The following AKAP7 variants were observed in gnomAD, a reference collection of about 807,000 sequenced individuals.
The protein encoded by AKAP7 is A kinase (PRKA) anchor protein 7.
A neutral mutation model predicts 39.5 loss-of-function variants in AKAP7; 39 were observed. The ratio of observed to expected loss-of-function variants is 0.99; its 90% CI spans 0.76 to 1.29. The LOEUF is 1.29. Among genes scored for constraint, AKAP7 ranks in the 50% most tolerant of loss-of-function variants. The pLI, the probability that AKAP7 is intolerant of heterozygous loss-of-function variation, is 0.00. For missense variants in AKAP7, 414 were observed against 407.7 expected (o/e 1.02, Z -0.13); for synonymous variants, 140 against 139.1 (o/e 1.01, Z -0.05).
At chr6:131,263,733 C>T (rs905836082) in intron 7 of AKAP7, among the ~76,000 whole-genome samples, 1 of 152,072 alleles carries the variant, frequency 6.6e-6, no homozygotes, top group African/African-American at 2.4e-5. Context: ...GGGACAGGTG[C>T]AGTGGATACT....
intron 6 of AKAP7, among the ~76,000 whole-genome samples, chr6:131,201,945 G>A (rs1332162419): frequency 1.3e-5 from 2 of 152,150 alleles, no homozygotes; most frequent in South Asian, 2.1e-4. Flanking sequence ...CAAAAAGTGG[G>A]TGAAGGACAT....
In AKAP7 at chr6:131,228,707, C is replaced by A. The variant is rs115362129; in HGVS notation, c.850+8899C>A. Reference sequence around the variant, plus strand: ...GTTCTTAGAATTTGGCCCATGGATCCCTGGTGGTCCTTTAGATACTTTTAG... The same window carrying A: ...GTTCTTAGAATTTGGCCCATGGATCACTGGTGGTCCTTTAGATACTTTTAG... On this transcript the variant is annotated intron_variant, in intron 7 of 7. Coordinates refer to ENST00000431975, the MANE Select transcript of AKAP7 (RefSeq NM_016377.4). 7.3e-3 allele frequency among the ~76,000 whole-genome samples: 1,111 copies of A among 152,006 alleles called. 10 individuals carry two copies. Among genetic ancestry groups the A allele is most frequent in the African/African-American group, 0.026 (1,070 of 41,446 alleles).
chr6:131,258,707 G>A (rs1326634732), intron 7 of AKAP7, among the ~76,000 whole-genome samples: 1 of 152,164 alleles, frequency 6.6e-6, no homozygotes, highest in Admixed American at 6.5e-5. Context: ...AATAAGTATA[G>A]CTTTAACTTA....
At position 131,219,652 on chromosome 6, in the gene AKAP7, C is replaced by T. The variant is rs1809529281; in HGVS notation, c.703-9C>T. On this transcript the variant is annotated splice_polypyrimidine_tract_variant and intron_variant, in intron 6 of 7. Transcript: ENST00000431975. ...TGATTGATTGATTGATTTGTTTTTT[C>T]ATTTCAAGGGAGTGAAAAAAATAGA... 9.5e-6 allele frequency: 15 copies of T among 1,583,434 alleles called. No individual in the cohort carries two copies. The highest frequency in any genetic ancestry group is 1.3e-5 in the Non-Finnish European group (15 of 1,166,618).
At chr6:131,226,763 T>TTTTG (rs756814922) in intron 7 of AKAP7, among the ~76,000 whole-genome samples, 44 of 152,316 alleles carry the variant, frequency 2.9e-4, no homozygotes, top group African/African-American at 7.7e-4. Context: ...TCTAGACGTT[T>TTTTG]TTTGTTTGTT....
At chr6:131,233,186 T>C (rs1810771321) in intron 7 of AKAP7, among the ~76,000 whole-genome samples, 1 of 152,172 alleles carries the variant, frequency 6.6e-6, no homozygotes, top group South Asian at 2.1e-4. Flanking sequence ...GACAGACTTA[T>C]AAAACTCACT....
chr6:131,171,992 G>A (rs1339413714), intron 5 of AKAP7, among the ~76,000 whole-genome samples: 1 of 152,192 alleles, frequency 6.6e-6, no homozygotes, highest in Non-Finnish European at 1.5e-5. Flanking sequence ...GGTGTGATCA[G>A]AGAGCAGTAT....
chr6:131,158,555 T>C (rs1248115791), intron 2 of AKAP7, among the ~76,000 whole-genome samples: 2 of 152,226 alleles, frequency 1.3e-5, no homozygotes, highest in African/African-American at 4.8e-5. Flanking sequence ...TTGTCCAGGC[T>C]GGAGTGCAGT....
chr6:131,250,525 C>T (rs1157203100), intron 7 of AKAP7: 1 of 1,613,522 alleles, frequency 6.2e-7, no homozygotes, highest in South Asian at 1.1e-5. Flanking sequence ...ATTTGGGGTC[C>T]TCACGGAGAA....
Position 131,207,517 on chromosome 6 carries a change from T to A in AKAP7, c.702+7944T>A, listed in dbSNP as rs375651119. On this transcript the variant is annotated intron_variant, in intron 6 of 7. Transcript: ENST00000431975. ...TTTTTTTTTTTTTTTTTTTTTTTTTTAGATATGGGGTGTTGCTATGTTGCC... is the reference window on the plus strand; with the variant it reads ...TTTTTTTTTTTTTTTTTTTTTTTTTAAGATATGGGGTGTTGCTATGTTGCC... Among the ~76,000 whole-genome samples the A allele has an allele frequency of 2.8e-3, 402 of 141,630 alleles. 5 individuals are homozygous for A. Among genetic ancestry groups the A allele is most frequent in the African/African-American group, 0.01 (372 of 36,708 alleles). 92.9% of individuals were successfully genotyped at this position (141,630 alleles called of 152,430 possible).
intron 7 of AKAP7, among the ~76,000 whole-genome samples, chr6:131,222,369 C>CA (rs944451945): frequency 3.3e-5 from 5 of 151,848 alleles, no homozygotes; most frequent in African/African-American, 1.2e-4. Context: ...ACTAAAAATG[C>CA]AAAAAATACT....
At chr6:131,153,293 T>A (rs965635658) in intron 2 of AKAP7, among the ~76,000 whole-genome samples, 10 of 152,210 alleles carry the variant, frequency 6.6e-5, no homozygotes, top group African/African-American at 2.4e-4. Context: ...TCATTAGGTA[T>A]TTTAAAACTA....
chr6:131,143,080 G>C (rs1801179758), intron 1 of AKAP7, among the ~76,000 whole-genome samples: 3 of 152,132 alleles, frequency 2.0e-5, no homozygotes, highest in Admixed American at 6.5e-5. Context: ...GATTTTACAG[G>C]CTCATAGGTG....
intron 5 of AKAP7, among the ~76,000 whole-genome samples, chr6:131,181,854 G>C (rs113167334): frequency 9.1e-4 from 139 of 152,110 alleles, no homozygotes; most frequent in African/African-American, 3.2e-3. Context: ...ATTAGTTTTG[G>C]CTGGACATGC....
chr6:131,131,467 C>CTTT (rs3031855), upstream of AKAP7, among the ~76,000 whole-genome samples: 9 of 138,356 alleles, frequency 6.5e-5, no homozygotes, highest in African/African-American at 2.4e-4. Flanking sequence ...CTCTTTCTTT[C>CTTT]TTTTTTTTTT....
intron 7 of AKAP7, among the ~76,000 whole-genome samples, chr6:131,244,346 C>T (rs750306454): frequency 8.3e-4 from 127 of 152,240 alleles, no homozygotes; most frequent in Non-Finnish European, 1.5e-3. Flanking sequence ...TTAACTTTAC[C>T]GCAAGAGCTT....
At chr6:131,253,892 G>C (rs564455547) in intron 7 of AKAP7, among the ~76,000 whole-genome samples, 1 of 152,010 alleles carries the variant, frequency 6.6e-6, no homozygotes, top group Non-Finnish European at 1.5e-5. Flanking sequence ...GGAAAGTTAG[G>C]TTGATTCCGT....
intron 6 of AKAP7, among the ~76,000 whole-genome samples, chr6:131,212,970 G>T (rs1368967110): frequency 6.6e-6 from 1 of 152,138 alleles, no homozygotes; most frequent in African/African-American, 2.4e-5. Context: ...AGAGTGTACA[G>T]TCTCTTGTAC....
intron 2 of AKAP7, among the ~76,000 whole-genome samples, chr6:131,155,467 A>G (rs543403268): frequency 1.3e-5 from 2 of 152,188 alleles, no homozygotes; most frequent in Non-Finnish European, 2.9e-5. Flanking sequence ...CCTTCCATCT[A>G]ATGGATCATC....
Sources: gnomAD v4.1 joint callset for allele counts (sites outside exome capture counted in the v4.1 genomes callset) on GRCh38, gnomAD v4.1.1 for gene constraint, MANE v1.5 for transcripts, NCBI Gene and HGNC (gene_info 2026-07-23, HGNC 2026-07-21) for gene names.